The following IL1RAPL1 variants were observed in gnomAD, a reference collection of about 807,000 sequenced individuals.
The protein encoded by IL1RAPL1 is interleukin 1 receptor accessory protein like 1.
A neutral mutation model predicts 48.4 loss-of-function variants in IL1RAPL1; 3 were observed. The ratio of observed to expected loss-of-function variants is 0.06; its 90% CI spans 0.03 to 0.16. IL1RAPL1 has a LOEUF of 0.16. Ranked by LOEUF, IL1RAPL1 falls within the 10% of genes least tolerant of loss-of-function variation. The pLI, the probability that IL1RAPL1 is intolerant of heterozygous loss-of-function variation, is 1.00. For synonymous variants in IL1RAPL1, 185 were observed against 187.7 expected (o/e 0.99, Z 0.12); for missense variants, 349 against 530.6 (o/e 0.66, Z 3.36).
chrX:29,678,331 G>GTTCAACACTACTT (rs1315113184), intron 6 of IL1RAPL1, among the ~76,000 whole-genome samples: 3 of 82,905 alleles, frequency 3.6e-5, no homozygotes, highest in African/African-American at 4.7e-5. Flanking sequence ...CCACACACAA[G>GTTCAACACTACTT]TTCAACACTA....
chrX:28,945,901 A>ATGTG (rs202053693), intron 2 of IL1RAPL1, among the ~76,000 whole-genome samples: 32 of 94,720 alleles, frequency 3.4e-4, no homozygotes, highest in African/African-American at 1.2e-3. Flanking sequence ...ATATATATAT[A>ATGTG]TATGTGTGTG....
intron 5 of IL1RAPL1, among the ~76,000 whole-genome samples, chrX:29,565,591 C>CTAT (rs1259450796): frequency 3.6e-5 from 4 of 111,937 alleles, no homozygotes; most frequent in Admixed American, 9.5e-5. Context: ...TATATATGTA[C>CTAT]TATTTTCTAC....
At chrX:28,988,669 C>T (rs1290615983) in intron 2 of IL1RAPL1, among the ~76,000 whole-genome samples, 1 of 112,112 alleles carries the variant, frequency 8.9e-6, no homozygotes. Context: ...TATTTTTAGT[C>T]ACTCTGTATT....
intron 5 of IL1RAPL1, among the ~76,000 whole-genome samples, chrX:29,560,471 C>T (rs752752227): frequency 9.0e-6 from 1 of 111,117 alleles, no homozygotes; most frequent in Non-Finnish European, 1.9e-5. Context: ...ACTTTCTGCC[C>T]CTTTCTATAT....
chrX:29,170,385 G>T (rs1318843588), intron 2 of IL1RAPL1, among the ~76,000 whole-genome samples: 1 of 111,646 alleles, frequency 9.0e-6, no homozygotes, highest in African/African-American at 3.2e-5. Flanking sequence ...AAAAGACAGA[G>T]AATGAACATG....
chrX:29,526,337 A>C (rs1383614031), intron 5 of IL1RAPL1, among the ~76,000 whole-genome samples: 2 of 111,838 alleles, frequency 1.8e-5, no homozygotes, highest in East Asian at 5.6e-4. Flanking sequence ...TATTAATATC[A>C]ATCACTATAT....
chrX:28,792,556 G>T (rs894966712), intron 2 of IL1RAPL1, among the ~76,000 whole-genome samples: 2 of 106,052 alleles, frequency 1.9e-5, no homozygotes, highest in Admixed American at 1.0e-4. Context: ...GGGAGGCCGA[G>T]GCGGGCAGAT....
chrX:29,847,706 A>G (rs1262829291), intron 6 of IL1RAPL1, among the ~76,000 whole-genome samples: 3 of 111,424 alleles, frequency 2.7e-5, no homozygotes, highest in African/African-American at 9.8e-5. Context: ...CTTTAAGAAA[A>G]ATACAAGCCT....
At chrX:28,714,795 T>C in intron 1 of IL1RAPL1, among the ~76,000 whole-genome samples, 1 of 112,186 alleles carries the variant, frequency 8.9e-6, no homozygotes, top group Non-Finnish European at 1.9e-5. Flanking sequence ...TGAGCTTTTC[T>C]GGAAAGAAGA....
At chrX:29,226,058 A>C (rs1375446007) in intron 2 of IL1RAPL1, among the ~76,000 whole-genome samples, 3 of 111,810 alleles carry the variant, frequency 2.7e-5, no homozygotes, top group African/African-American at 9.8e-5. Context: ...ACAGGTCTGC[A>C]CTGTTACACT....
intron 5 of IL1RAPL1, among the ~76,000 whole-genome samples, chrX:29,632,297 C>T (rs915191703): frequency 1.8e-5 from 2 of 109,465 alleles, no homozygotes; most frequent in African/African-American, 3.3e-5. Context: ...TACAGGCGCC[C>T]GCCACCACAC....
At chrX:29,744,065 T>C (rs1928272936) in intron 6 of IL1RAPL1, among the ~76,000 whole-genome samples, 1 of 112,172 alleles carries the variant, frequency 8.9e-6, no homozygotes, top group Non-Finnish European at 1.9e-5. Context: ...GTACTTTTTG[T>C]TGTTGTTCAG....
chrX:29,801,000 CAAAAAAAAAAAAAA>C (rs781152873), intron 6 of IL1RAPL1, among the ~76,000 whole-genome samples: 5 of 1,739 alleles, frequency 2.9e-3, no homozygotes, highest in Non-Finnish European at 3.4e-3. Context: ...AACTCCGTCT[CAAAAAAAAAAAAAA>C]AAAAAAAAAA....
At chrX:29,944,442 C>G (rs180777540) in intron 9 of IL1RAPL1, among the ~76,000 whole-genome samples, 1 of 111,773 alleles carries the variant, frequency 8.9e-6, no homozygotes, top group Admixed American at 9.5e-5. Flanking sequence ...AATTATATAG[C>G]AAGTTTAAAA....
chrX:29,846,168 A>G (rs1363959016), intron 6 of IL1RAPL1, among the ~76,000 whole-genome samples: 2 of 111,655 alleles, frequency 1.8e-5, no homozygotes, highest in Non-Finnish European at 3.8e-5. Flanking sequence ...TTCATGTGTT[A>G]TTAGTATCGC....
At chrX:28,902,324 A>G (rs1469321065) in intron 2 of IL1RAPL1, among the ~76,000 whole-genome samples, 2 of 110,884 alleles carry the variant, frequency 1.8e-5, no homozygotes, top group Non-Finnish European at 3.8e-5. Context: ...GGTGCATGCC[A>G]CCATGCCTTC....
At chrX:28,768,747 C>CTATATATATA (rs1936274600) in intron 1 of IL1RAPL1, among the ~76,000 whole-genome samples, 1 of 70,900 alleles carries the variant, frequency 1.4e-5, no homozygotes, top group African/African-American at 5.7e-5. Context: ...CTCTCTCTCT[C>CTATATATATA]TCTCTCTCTA....
chrX:29,527,326 C>CTT (rs61003668), intron 5 of IL1RAPL1, among the ~76,000 whole-genome samples: 994 of 25,463 alleles, frequency 0.039, 310 homozygotes, highest in African/African-American at 0.045. Flanking sequence ...GGGAAGGACT[C>CTT]TTTTTTTTTT....
intron 3 of IL1RAPL1, among the ~76,000 whole-genome samples, chrX:29,347,661 A>T (rs1384123470): frequency 9.0e-6 from 1 of 111,122 alleles, no homozygotes; most frequent in Non-Finnish European, 1.9e-5. Context: ...AAGTGTTGGG[A>T]TTACAGATGT....
Sources: allele counts gnomAD v4.1 joint callset (sites outside exome capture counted in the v4.1 genomes callset), GRCh38; gene constraint gnomAD v4.1.1; transcripts MANE v1.5; gene names NCBI Gene and HGNC (gene_info 2026-07-23, HGNC 2026-07-21).